Variants in GAS2 observed in about 807,000 individuals in gnomAD.
The protein encoded by GAS2 is growth arrest-specific protein 2.
A neutral mutation model predicts 37.5 loss-of-function variants in GAS2; 20 were observed. That is an observed-to-expected ratio of 0.53 (90% confidence interval 0.37 to 0.77). GAS2 has a LOEUF of 0.77. Among genes scored for constraint, GAS2 ranks in the 30% least tolerant of loss-of-function variants. GAS2 has a pLI of 0.00. For synonymous variants in GAS2, 144 were observed against 132.2 expected (o/e 1.09, Z -0.61); for missense variants, 336 against 373.4 (o/e 0.90, Z 0.82).
At chr11:22,644,887 G>T (rs1848671354) in intron 1 of GAS2, among the ~76,000 whole-genome samples, 1 of 152,166 alleles carries the variant, frequency 6.6e-6, no homozygotes, top group South Asian at 2.1e-4. Flanking sequence ...GCCTCCCAAA[G>T]TGCTGGGATT....
intron 1 of GAS2, among the ~76,000 whole-genome samples, chr11:22,650,383 A>C (rs1340050137): frequency 4.0e-5 from 6 of 151,690 alleles, no homozygotes; most frequent in Admixed American, 2.6e-4. Context: ...GCTGAAAAAA[A>C]TGTATATTCT....
chr11:22,743,533 A>G (rs7929747), intron 5 of GAS2, among the ~76,000 whole-genome samples: 84,085 of 151,790 alleles, frequency 0.55, 25,181 homozygotes, highest in Middle Eastern at 0.68. Flanking sequence ...CAGAAATAAT[A>G]TATGTCAAGA....
At chr11:22,634,903 C>T (rs141373079) in intron 1 of GAS2, among the ~76,000 whole-genome samples, 72 of 152,286 alleles carry the variant, frequency 4.7e-4, no homozygotes, top group African/African-American at 1.7e-3. Context: ...ATGCTGGTCA[C>T]GTGAATAGAC....
intron 3 of GAS2, among the ~76,000 whole-genome samples, chr11:22,691,958 A>G (rs1006036857): frequency 6.6e-6 from 1 of 152,050 alleles, no homozygotes; most frequent in African/African-American, 2.4e-5. Flanking sequence ...GTCTTGCTTA[A>G]TGTTTTTTGT....
At chr11:22,667,178 C>T (rs1849017760) in intron 1 of GAS2, 2 of 152,220 alleles carry the variant, frequency 1.3e-5, no homozygotes, top group Non-Finnish European at 2.9e-5. Flanking sequence ...GCGGAACACC[C>T]CGGACAACCG....
At chr11:22,729,022 T>A (rs1379390490) in intron 4 of GAS2, among the ~76,000 whole-genome samples, 1 of 151,456 alleles carries the variant, frequency 6.6e-6, no homozygotes, top group Non-Finnish European at 1.5e-5. Context: ...TGAAAGGAAA[T>A]TTGGGGCAAG....
intron 2 of GAS2, among the ~76,000 whole-genome samples, chr11:22,683,150 C>T (rs1393250098): frequency 7.1e-6 from 1 of 141,332 alleles, no homozygotes; most frequent in African/African-American, 2.9e-5. Flanking sequence ...TTCCTTAAGA[C>T]TGCTCCCAAA....
At chr11:22,703,269 G>A (rs1313333713) in intron 3 of GAS2, among the ~76,000 whole-genome samples, 10 of 152,112 alleles carry the variant, frequency 6.6e-5, no homozygotes. Flanking sequence ...AGGCACATCA[G>A]CAAGACAAGA....
At chr11:22,741,249 A>G (rs1052068677) in intron 5 of GAS2, among the ~76,000 whole-genome samples, 10 of 148,052 alleles carry the variant, frequency 6.8e-5, no homozygotes, top group African/African-American at 2.1e-4. Context: ...TGAAGAGTGA[A>G]ATCCCTCTGC....
intron 3 of GAS2, among the ~76,000 whole-genome samples, chr11:22,706,483 G>C (rs1328057431): frequency 6.7e-6 from 1 of 148,312 alleles, no homozygotes; most frequent in East Asian, 2.0e-4. Context: ...ATCCCTCCCC[G>C]CTCCCCCCAC....
At chr11:22,665,751 A>G (rs1848974216), upstream of GAS2, among the ~76,000 whole-genome samples, 1 of 152,224 alleles carries the variant, frequency 6.6e-6, no homozygotes, top group Non-Finnish European at 1.5e-5. Context: ...GCAATAATAA[A>G]GGTGAAATGT....
chr11:22,700,364 T>A (rs1025661625), intron 3 of GAS2, among the ~76,000 whole-genome samples: 2 of 152,154 alleles, frequency 1.3e-5, no homozygotes, highest in African/African-American at 2.4e-5. Context: ...AAGTTTGAAA[T>A]TCCCCCCTCT....
intron 7 of GAS2, among the ~76,000 whole-genome samples, chr11:22,759,164 G>A (rs1224867763): frequency 1.3e-5 from 2 of 152,210 alleles, no homozygotes; most frequent in Middle Eastern, 3.4e-3. Flanking sequence ...AAATAAGAAT[G>A]CCTGCAAATT....
At chr11:22,644,194 C>CT (rs546122724) in intron 1 of GAS2, among the ~76,000 whole-genome samples, 17 of 151,982 alleles carry the variant, frequency 1.1e-4, no homozygotes, top group Admixed American at 8.5e-4. Context: ...CAGGAAATTT[C>CT]TTTTTTTTAA....
intron 3 of GAS2, among the ~76,000 whole-genome samples, chr11:22,695,886 G>T (rs1850481826): frequency 6.6e-6 from 1 of 152,082 alleles, no homozygotes; most frequent in Non-Finnish European, 1.5e-5. Context: ...CTAAAAGAAA[G>T]ATTCCAATAC....
chr11:22,749,495 GAAT>G (rs1853611464), intron 6 of GAS2, among the ~76,000 whole-genome samples: 1 of 151,898 alleles, frequency 6.6e-6, no homozygotes, highest in East Asian at 1.9e-4. Context: ...TAAAACTTTA[GAAT>G]AATAAGTCAA....
intron 7 of GAS2, among the ~76,000 whole-genome samples, chr11:22,757,026 C>A (rs1359486487): frequency 6.6e-6 from 1 of 152,106 alleles, no homozygotes; most frequent in Non-Finnish European, 1.5e-5. Flanking sequence ...TGACCTTTCT[C>A]AATTGATAAT....
intron 3 of GAS2, among the ~76,000 whole-genome samples, chr11:22,704,588 C>CATATATATAT (rs3049395): frequency 0.035 from 3,145 of 90,274 alleles, 120 homozygotes; most frequent in Middle Eastern, 0.059. Context: ...TGAAAATAAA[C>CATATATATAT]ATATATATAT....
intron 6 of GAS2, among the ~76,000 whole-genome samples, chr11:22,751,476 C>T (rs1306729741): frequency 6.6e-6 from 1 of 151,670 alleles, no homozygotes; most frequent in East Asian, 1.9e-4. Flanking sequence ...TACTCAAAGA[C>T]AAAGACCATA....
Sources: allele counts gnomAD v4.1 joint callset (sites outside exome capture counted in the v4.1 genomes callset), GRCh38; gene constraint gnomAD v4.1.1; transcripts MANE v1.5; gene names NCBI Gene and HGNC (gene_info 2026-07-23, HGNC 2026-07-21).